CEP170B: variants seen among roughly 807,000 people sequenced by gnomAD.
CEP170B encodes the protein centrosomal protein 170B.
CEP170B carries 55 observed loss-of-function variants against 120.6 expected under a neutral mutation model. The observed-to-expected ratio is 0.46, with a 90% CI of 0.37 to 0.57. CEP170B has a LOEUF of 0.57. Ranked by LOEUF, CEP170B falls within the 20% of genes least tolerant of loss-of-function variation. The pLI, the probability that CEP170B is intolerant of heterozygous loss-of-function variation, is 0.00. For missense variants in CEP170B, 2,212 were observed against 2,253.3 expected, an observed-to-expected ratio of 0.98 and a Z score of 0.37; for synonymous variants, 1,033 against 954.5, an observed-to-expected ratio of 1.08 and a Z score of -1.52.
chr14:104,893,904 G>C, intron 16 of CEP170B, 55 bp downstream of exon 16: 1 of 1,510,124 alleles, frequency 6.6e-7, no homozygotes, highest in Non-Finnish European at 9.1e-7. Context: ...AGCTGCATGA[G>C]CTGAGACTCA....
intron 2 of CEP170B, among the ~76,000 whole-genome samples, chr14:104,872,382 GCATGTGTGC>G (rs1895588179): frequency 1.0e-5 from 1 of 100,280 alleles, no homozygotes; most frequent in African/African-American, 3.2e-5. Flanking sequence ...CCATGGGTGT[GCATGTGTGC>G]CGTGGGTGTG....
At chr14:104,882,867 G>A in intron 7 of CEP170B, 35 bp downstream of exon 7, 1 of 1,592,398 alleles carries the variant, frequency 6.3e-7, no homozygotes, top group East Asian at 2.3e-5. Flanking sequence ...AGACCCTGAG[G>A]GCTCCCAGAG....
At chr14:104,864,833 A>C (rs1241470309), upstream of CEP170B, among the ~76,000 whole-genome samples, 1 of 152,070 alleles carries the variant, frequency 6.6e-6, no homozygotes, top group Non-Finnish European at 1.5e-5. The surrounding 1 kb of genome is among the most constrained non-coding windows in gnomAD (Gnocchi z 5.9). Flanking sequence ...TGGGGACTCG[A>C]GGCGCGGCTG....
intron 12 of CEP170B, 36 bp from the exon 13 acceptor site, chr14:104,889,584 G>T (rs757165879): frequency 1.2e-6 from 2 of 1,606,324 alleles, no homozygotes; most frequent in Admixed American, 1.7e-5. Context: ...TCCCGCCACG[G>T]CTCCCCCAAA....
At chr14:104,880,048 A>C (rs1424279502) in intron 5 of CEP170B, among the ~76,000 whole-genome samples, 1 of 151,726 alleles carries the variant, frequency 6.6e-6, no homozygotes, top group Non-Finnish European at 1.5e-5. Context: ...GTCCTGCCCC[A>C]CCCAAGCAGG....
rs866749086 is a variant in CEP170B at position 104,868,632 on chromosome 14, C to T, written c.105+77C>T. On this transcript the variant is annotated intron_variant, in intron 2 of 18. Coordinates refer to ENST00000414716, the MANE Select transcript of CEP170B (RefSeq NM_001112726.3). The surrounding 1 kb of genome is among the most constrained non-coding windows in gnomAD (Gnocchi z 5.9). ...CTGTGGAGGCCAGGAAGGTGCCCAC[C>T]CCACTTGCTGCAGGCCACCCTGGCG... is the stretch of plus-strand genomic sequence containing the variant. 1.5e-6 allele frequency: 2 copies of T among 1,372,460 alleles called. No individual in the cohort carries two copies. Among genetic ancestry groups the T allele is most frequent in the Middle Eastern group, 4.5e-4 (2 of 4,410 alleles). The allele number at this position is 1,372,460 out of a possible 1,614,324, so 85.0% of individuals were successfully genotyped here. A position where few individuals can be genotyped will look rare whatever the true frequency, so the allele number is the denominator to read the frequency against.
rs1897063038 is a variant in CEP170B, at chr14:104,896,101, G to T, written c.*1143G>T. The T allele has an allele frequency of 6.3e-6, 1 of 159,516 alleles. No individual in the cohort carries two copies. The highest frequency in any genetic ancestry group is 6.1e-5 in the Admixed American group (1 of 16,338). The allele number at this position is 159,516 out of a possible 1,614,324, so 9.9% of individuals were successfully genotyped here. A position where few individuals can be genotyped will look rare whatever the true frequency, so the allele number is the denominator to read the frequency against. Reference sequence around the variant, plus strand: ...CGTGGTTGGTGGGGGTGGACGTGGGGGTGTCCCACCTGGACCAGACTGGCG... The same window carrying T: ...CGTGGTTGGTGGGGGTGGACGTGGGTGTGTCCCACCTGGACCAGACTGGCG... On this transcript the variant is annotated 3_prime_UTR_variant, in exon 19 of 19. Transcript: ENST00000414716.
chr14:104,885,744 C>G (rs768576405), intron 10 of CEP170B, among the ~76,000 whole-genome samples: 14 of 152,162 alleles, frequency 9.2e-5, no homozygotes, highest in Non-Finnish European at 8.8e-5. Context: ...AGGTCCTGGG[C>G]AAAACGGGCT....
At chr14:104,889,027 C>G (rs1422263973) in intron 12 of CEP170B, among the ~76,000 whole-genome samples, 1 of 152,236 alleles carries the variant, frequency 6.6e-6, no homozygotes, top group African/African-American at 2.4e-5. Flanking sequence ...GAGGCCAGGA[C>G]TCTGCCCAGG....
chr14:104,889,479 T>C (rs1002547646), intron 12 of CEP170B, 141 bp from the exon 13 acceptor site: 17 of 1,529,430 alleles, frequency 1.1e-5, no homozygotes, highest in African/African-American at 2.7e-5. Context: ...GCTGCTTTGT[T>C]CTGTTCTTGC....
intron 5 of CEP170B, among the ~76,000 whole-genome samples, chr14:104,879,720 C>T (rs1413804394): frequency 6.6e-6 from 1 of 152,144 alleles, no homozygotes; most frequent in African/African-American, 2.4e-5. Flanking sequence ...TCCTTGCGTG[C>T]CCTTTCCCCG....
Position 104,877,385 on chromosome 14 carries a change from C to T in CEP170B, c.196-500C>T, listed in dbSNP as rs1458132070. Among the ~76,000 whole-genome samples the T allele has an allele frequency of 3.9e-5, 6 of 152,214 alleles. No individual in the cohort carries two copies. In the East Asian group the frequency reaches 1.2e-3, roughly 29 times the overall value. Reference sequence around the variant, plus strand: ...TCTGAGGCCTGTGATGCCCACAGACCTGCCTCCCACCTGCCTGTGGGACTG... The same window carrying T: ...TCTGAGGCCTGTGATGCCCACAGACTTGCCTCCCACCTGCCTGTGGGACTG... On this transcript the variant is annotated intron_variant, in intron 3 of 18. Coordinates refer to ENST00000414716, the MANE Select transcript of CEP170B (RefSeq NM_001112726.3).
chr14:104,889,950 A>ATGGATAGGAGGGTGGGTGGG (rs1896715464), intron 13 of CEP170B, among the ~76,000 whole-genome samples, 192 bp downstream of exon 13: 1 of 42,354 alleles, frequency 2.4e-5, no homozygotes, highest in African/African-American at 9.2e-5. Context: ...GGATGGATGG[A>ATGGATAGGAGGGTGGGTGGG]TGAATGGATG....
At position 104,885,473 on chromosome 14, in the gene CEP170B, C is replaced by T. The variant is rs374120520; in HGVS notation, c.1875C>T (p.Ala625=). ...ATGAGTCTGATGACGGGGGCGTGGCCCAGCGGATGGCGCTACTGCAGGAGT... is the reference window on the plus strand; with the variant it reads ...ATGAGTCTGATGACGGGGGCGTGGCTCAGCGGATGGCGCTACTGCAGGAGT... ...DRDESDDGGV[A]QRMALLQEFA... The change falls in exon 10 of 19, where the codon GCC becomes GCT. Residue 625 remains alanine (A), a synonymous_variant. Coordinates refer to ENST00000414716, the MANE Select transcript of CEP170B (RefSeq NM_001112726.3). 3 of 1,562,920 alleles carry T rather than the reference C, an allele frequency of 1.9e-6. No individual in the cohort carries two copies. Among genetic ancestry groups the T allele is most frequent in the East Asian group, 2.4e-5 (1 of 42,070 alleles).
Position 104,883,158 on chromosome 14 carries a change from C to T in CEP170B, c.701C>T (p.Pro234Leu), listed in dbSNP as rs372168405. The T allele has an allele frequency of 1.1e-4, 175 of 1,608,300 alleles. No individual in the cohort carries two copies. Among genetic ancestry groups the T allele is most frequent in the Middle Eastern group, 1.6e-4 (1 of 6,076 alleles). ...TTCGAGATCCCCACGAAGGAGACCC[C>T]GCAGCCGTCGCAGCCCCCCGAGGTG... ...SYFEIPTKET[P>L]QPSQPPEVPA... The change falls in exon 8 of 19, where the codon CCG becomes CTG. Residue 234 changes from proline to leucine, a missense_variant. This residue lies in a region of CEP170B where 2,166 missense variants were observed against 2,166.7 expected (regional missense o/e 1.00). Transcript: ENST00000414716.
In CEP170B at chr14:104,883,051, A is replaced by C. The variant is rs2028414; in HGVS notation, c.594A>C (p.Pro198=). 959,378 of 1,529,066 alleles carry C rather than the reference A, an allele frequency of 0.63. 306,830 individuals are homozygous for C. Among genetic ancestry groups the C allele is most frequent in the Middle Eastern group, 0.73 (4,307 of 5,862 alleles). The allele number at this position is 1,529,066 out of a possible 1,614,324, so 94.7% of individuals were successfully genotyped here. A position where few individuals can be genotyped will look rare whatever the true frequency, so the allele number is the denominator to read the frequency against. ...GEPYPERPKG[P]VQQDGELHGF... The stretch of plus-strand genomic sequence containing the variant: ...CCACACCAGAGCGCCCCAAGGGACC[A>C]GTGCAGCAGGACGGGGAGCTCCACG... Residue 198 remains proline, a synonymous_variant, in exon 8 of 19, where the codon CCA becomes CCC. Coordinates refer to ENST00000414716, the MANE Select transcript of CEP170B (RefSeq NM_001112726.3).
At position 104,870,694 on chromosome 14, in the gene CEP170B, T is replaced by G. The variant is rs1207355127; in HGVS notation, c.105+2139T>G. ...TGAGTTTGGGGTCCGATTCCGAGTTTCTGCACCTGTCAGTGGAGCCCTGAG... is the reference window on the plus strand; with the variant it reads ...TGAGTTTGGGGTCCGATTCCGAGTTGCTGCACCTGTCAGTGGAGCCCTGAG... On this transcript the variant is annotated intron_variant, in intron 2 of 18. Coordinates refer to ENST00000414716, the MANE Select transcript of CEP170B (RefSeq NM_001112726.3). The surrounding 1 kb of genome is among the most constrained non-coding windows in gnomAD (Gnocchi z 4.1). Among the ~76,000 whole-genome samples the G allele has an allele frequency of 1.3e-5, 2 of 152,126 alleles. No individual in the cohort carries two copies. The highest frequency in any genetic ancestry group is 4.8e-5 in the African/African-American group (2 of 41,418).
Position 104,886,341 on chromosome 14 carries a change from TC to T in CEP170B, c.2105del (p.Pro702LeufsTer121). 6.4e-7 allele frequency: 1 copy of T among 1,566,620 alleles called. No homozygotes were observed. Among genetic ancestry groups the T allele is most frequent in the East Asian group, 2.3e-5 (1 of 42,772 alleles). On this transcript the variant is annotated frameshift_variant, in exon 12 of 19. Transcript: ENST00000414716. LOFTEE classifies it high-confidence loss of function. ...CTGCCTGTGCGCATGCGGCGACGGC[TC>T]CCTCAGCTGCCCAGTGAGAGGGCTG... ...GSLPVRMRRR[L>X]PQLPSERADS...
Position 104,886,472 on chromosome 14 carries a change from G to C in CEP170B, c.2233G>C (p.Asp745His). Residue 745 changes from aspartate (D) to histidine (H), a missense_variant, in exon 12 of 19, where the codon GAC becomes CAC. Around this residue, in one of 2 missense-constraint regions of CEP170B, gnomAD observed 2,166 missense variants for 2,166.7 expected, o/e 1.00. Coordinates refer to ENST00000414716, the MANE Select transcript of CEP170B (RefSeq NM_001112726.3). ...RLFGQEELDP[D>H]SLSDASGSDG... Reference sequence around the variant, plus strand: ...CTTCGGCCAGGAGGAGTTGGATCCTGACAGCCTCAGCGATGCCAGTGGGTC... The same window carrying C: ...CTTCGGCCAGGAGGAGTTGGATCCTCACAGCCTCAGCGATGCCAGTGGGTC... 6.4e-7 allele frequency: 1 copy of C among 1,552,260 alleles called. No individual in the cohort carries two copies. The highest frequency in any genetic ancestry group is 8.7e-7 in the Non-Finnish European group (1 of 1,151,628).
Sources: allele counts gnomAD v4.1 joint callset (sites outside exome capture counted in the v4.1 genomes callset), GRCh38; gene constraint gnomAD v4.1.1; regional missense constraint gnomAD v4.1.1; non-coding constraint Gnocchi (gnomAD v3.1); transcripts MANE v1.5; gene names NCBI Gene and HGNC (gene_info 2026-07-23, HGNC 2026-07-21).